DUSP26: variants seen among roughly 807,000 people sequenced by gnomAD.
The protein encoded by DUSP26 is dual specificity phosphatase 26.
In DUSP26, 12 loss-of-function variants were observed where a neutral mutation model predicts 20.0. The observed-to-expected ratio is 0.60, with a 90% CI of 0.38 to 0.97. The LOEUF is 0.97. Ranked by LOEUF, DUSP26 falls within the 50% of genes least tolerant of loss-of-function variation. DUSP26 has a pLI of 0.00. For missense variants in DUSP26, 230 were observed against 294.0 expected, an observed-to-expected ratio of 0.78 and a Z score of 1.59; for synonymous variants, 120 against 118.8, an observed-to-expected ratio of 1.01 and a Z score of -0.06.
chr8:33,596,811 G>A (rs554434370), intron 2 of DUSP26, among the ~76,000 whole-genome samples: 2 of 152,158 alleles, frequency 1.3e-5, no homozygotes, highest in Non-Finnish European at 2.9e-5. Flanking sequence ...CCTTTTCCCA[G>A]AGACATTGCA....
At chr8:33,592,891 A>G (rs77380624) in intron 3 of DUSP26, among the ~76,000 whole-genome samples, 1 of 152,184 alleles carries the variant, frequency 6.6e-6, no homozygotes, top group Non-Finnish European at 1.5e-5. Flanking sequence ...ATATATGTAT[A>G]TGGAGACAGG....
chr8:33,593,809 G>A (rs772004085), intron 2 of DUSP26, 62 bp from the exon 3 acceptor site: 1 of 1,562,020 alleles, frequency 6.4e-7, no homozygotes, highest in East Asian at 2.3e-5. Context: ...AGACTCCCTT[G>A]TCTACACCCT....
intron 3 of DUSP26, 83 bp from the exon 4 acceptor site, chr8:33,592,295 G>C: frequency 7.4e-7 from 1 of 1,343,472 alleles, no homozygotes; most frequent in African/African-American, 1.5e-5. Flanking sequence ...ATGGGGCCGG[G>C]CATGGTGGCT....
intron 1 of DUSP26, among the ~76,000 whole-genome samples, chr8:33,599,263 G>C (rs541518307): frequency 1.1e-4 from 16 of 151,944 alleles, no homozygotes; most frequent in East Asian, 9.7e-4. Context: ...TGCTGTCTAC[G>C]AGATGATGAA....
In DUSP26 at chr8:33,591,991, C is replaced by T. The variant is rs781194345; in HGVS notation, c.*22G>A. 8.1e-6 allele frequency: 13 copies of T among 1,611,148 alleles called. No individual in the cohort carries two copies. The highest frequency in any genetic ancestry group is 4.2e-6 in the Non-Finnish European group (5 of 1,179,948). The stretch of plus-strand genomic sequence containing the variant: ...GCCAGGGACCTACCCACGGGCCTGG[C>T]CTGACCTCTCTCCCCCTCCCCTCAT... On this transcript the variant is annotated 3_prime_UTR_variant, in exon 4 of 4. Coordinates refer to ENST00000256261, the MANE Select transcript of DUSP26 (RefSeq NM_024025.3).
In DUSP26 at chr8:33,591,414, C is replaced by T. The variant is rs576690751; in HGVS notation, c.*599G>A. 1 of 152,970 alleles carries T rather than the reference C, an allele frequency of 6.5e-6. No individual in the cohort carries two copies. Among genetic ancestry groups the T allele is most frequent in the Non-Finnish European group, 1.5e-5 (1 of 68,198 alleles). The allele number at this position is 152,970 out of a possible 1,614,324, so 9.5% of individuals were successfully genotyped here. A position where few individuals can be genotyped will look rare whatever the true frequency, so the allele number is the denominator to read the frequency against. Reference sequence around the variant, plus strand: ...TTTCAAGACTGCCAGCCATGCACCTCTGTATGTTTTTGGCCCAAGCAGCAG... The same window carrying T: ...TTTCAAGACTGCCAGCCATGCACCTTTGTATGTTTTTGGCCCAAGCAGCAG... On this transcript the variant is annotated 3_prime_UTR_variant, in exon 4 of 4. Transcript: ENST00000256261.
chr8:33,592,700 G>T (rs908202871), intron 3 of DUSP26, among the ~76,000 whole-genome samples: 6 of 152,026 alleles, frequency 3.9e-5, no homozygotes, highest in African/African-American at 1.4e-4. Context: ...AGAGGAAGGG[G>T]ACATGCAGTG....
intron 1 of DUSP26, 91 bp from the exon 2 acceptor site, chr8:33,597,682 A>G: frequency 1.7e-6 from 1 of 603,900 alleles, no homozygotes; most frequent in Non-Finnish European, 2.8e-6. Flanking sequence ...AAGATTCTCG[A>G]GGGAGAGAAG....
Position 33,592,221 on chromosome 8 carries a change from A to G in DUSP26, c.437-9T>C, listed in dbSNP as rs750568856. On this transcript the variant is annotated splice_polypyrimidine_tract_variant and intron_variant, in intron 3 of 3. Coordinates refer to ENST00000256261, the MANE Select transcript of DUSP26 (RefSeq NM_024025.3). ...ATGCACCAGGATCTTCCCTGAGAGG[A>G]GAGACACAGAGAGAGCTTTGAGACT... 8.2e-6 allele frequency: 13 copies of G among 1,584,266 alleles called. No homozygotes were observed. Among genetic ancestry groups the G allele is most frequent in the Non-Finnish European group, 1.0e-5 (12 of 1,165,848 alleles).
intron 2 of DUSP26, among the ~76,000 whole-genome samples, chr8:33,595,694 T>C (rs376696319): frequency 6.6e-6 from 1 of 152,128 alleles, no homozygotes; most frequent in Non-Finnish European, 1.5e-5. Context: ...TACCCTGTTT[T>C]ATGACGTCAC....
intron 3 of DUSP26, among the ~76,000 whole-genome samples, chr8:33,592,724 A>C (rs1482581385): frequency 1.3e-5 from 2 of 152,026 alleles, no homozygotes; most frequent in Non-Finnish European, 2.9e-5. Flanking sequence ...CAGTGTCCAT[A>C]AACCTGAAAG....
intron 1 of DUSP26, 150 bp from the exon 2 acceptor site, chr8:33,597,741 C>G (rs1270038363): frequency 2.1e-6 from 1 of 485,486 alleles, no homozygotes; most frequent in Non-Finnish European, 3.7e-6. Context: ...TTTCTTCAAG[C>G]TGCAGCAGCT....
intron 2 of DUSP26, among the ~76,000 whole-genome samples, chr8:33,594,913 G>A (rs1357934840): frequency 1.3e-5 from 2 of 152,054 alleles, no homozygotes; most frequent in East Asian, 3.9e-4. Flanking sequence ...TAGTAGAGAT[G>A]GGATTTCATC....
chr8:33,593,698 C>T lies in DUSP26; in HGVS notation c.271G>A (p.Val91Ile), dbSNP rs762947651. Residue 91 changes from valine (V) to isoleucine (I), a missense_variant, in exon 3 of 4, where the codon GTC (valine) becomes ATC (isoleucine). Physicochemically the swap from Val to Ile is conservative, Grantham distance 29 (BLOSUM62 3). Transcript: ENST00000256261. The part of the protein sequence containing the change: ...RELRRLGITH[V>I]LNASHSRWRG... ...CACCGGCTGTGTGAGGCATTGAGGA[C>T]GTGCGTGATGCCCAGGCGGCGAAGC... 4.6e-5 allele frequency: 74 copies of T among 1,614,196 alleles called. No individual in the cohort carries two copies. The highest frequency in any genetic ancestry group is 3.8e-4 in the South Asian group (35 of 91,076).
At chr8:33,594,714 G>C (rs1811101809) in intron 2 of DUSP26, among the ~76,000 whole-genome samples, 1 of 150,270 alleles carries the variant, frequency 6.7e-6, no homozygotes, top group African/African-American at 2.5e-5. Context: ...CAGGGAAGCA[G>C]ATTTCATTTT....
intron 1 of DUSP26, 188 bp from the exon 2 acceptor site, chr8:33,597,779 A>G (rs1201661059): frequency 3.8e-5 from 16 of 424,058 alleles, no homozygotes; most frequent in East Asian, 1.7e-4. Flanking sequence ...TGGCTCTGCC[A>G]CGAAACGAGG....
chr8:33,591,718 G>A lies in DUSP26; in HGVS notation c.*295C>T, dbSNP rs1811022102. ...AGAGGGGAAGGGACTGTGAATCCCA[G>A]GGAGCACCCTGGCCAGATCCCAGCG... is the stretch of plus-strand genomic sequence containing the variant. On this transcript the variant is annotated 3_prime_UTR_variant, in exon 4 of 4. Transcript: ENST00000256261. 1 of 408,546 alleles carries A rather than the reference G, an allele frequency of 2.4e-6. No individual in the cohort carries two copies. Among genetic ancestry groups the A allele is most frequent in the Admixed American group, 4.3e-5 (1 of 23,328 alleles). 25.3% of individuals were successfully genotyped at this position (408,546 alleles called of 1,614,324 possible).
chr8:33,592,152 T>C lies in DUSP26; in HGVS notation c.497A>G (p.Tyr166Cys). 6.2e-7 allele frequency: 1 copy of C among 1,613,840 alleles called. No homozygotes were observed. The highest frequency in any genetic ancestry group is 8.5e-7 in the Non-Finnish European group (1 of 1,179,960). The change falls in exon 4 of 4, where the codon TAC (tyrosine) becomes TGC (cysteine). Residue 166 changes from tyrosine to cysteine, a missense_variant. By Grantham distance (194) the Tyr-to-Cys change is radical. Coordinates refer to ENST00000256261, the MANE Select transcript of DUSP26 (RefSeq NM_024025.3). ...VSRSATLVLAYLMLYHHLTLV... is the reference protein window; with the variant it reads ...VSRSATLVLACLMLYHHLTLV... ...GGTAAGGTGGTGGTACAGCATGAGGTAGGCCAGTACCAGGGTGGCGGATCG... is the reference window on the plus strand; with the variant it reads ...GGTAAGGTGGTGGTACAGCATGAGGCAGGCCAGTACCAGGGTGGCGGATCG...
At chr8:33,593,994 A>G (rs2128846356) in intron 2 of DUSP26, among the ~76,000 whole-genome samples, 1 of 152,040 alleles carries the variant, frequency 6.6e-6, no homozygotes, top group Middle Eastern at 3.4e-3. Flanking sequence ...TAATTTTTGT[A>G]TCTTTAGTAG....
Sources: gnomAD v4.1 joint callset for allele counts (sites outside exome capture counted in the v4.1 genomes callset) on GRCh38, gnomAD v4.1.1 for gene constraint, MANE v1.5 for transcripts, NCBI Gene and HGNC (gene_info 2026-07-23, HGNC 2026-07-21) for gene names.